ZNF251: variants seen among roughly 807,000 people sequenced by gnomAD.
ZNF251 encodes the protein zinc finger protein 251.
ZNF251 carries 14 observed loss-of-function variants against 13.5 expected under a neutral mutation model. The ratio of observed to expected loss-of-function variants is 1.04; its 90% CI spans 0.69 to 1.63. The LOEUF is 1.63. Ranked by LOEUF, ZNF251 falls within the 40% of genes most tolerant of loss-of-function variation. The pLI, the probability that ZNF251 is intolerant of heterozygous loss-of-function variation, is 0.00. For synonymous variants in ZNF251, 287 were observed against 295.2 expected (o/e 0.97, Z 0.28); for missense variants, 764 against 834.9 (o/e 0.92, Z 1.05).
chr8:144,726,345 C>A (rs1823517459), intron 4 of ZNF251, among the ~76,000 whole-genome samples: 1 of 151,434 alleles, frequency 6.6e-6, no homozygotes, highest in Non-Finnish European at 1.5e-5. Flanking sequence ...ACCAGCCTGG[C>A]CAACATGGCA....
chr8:144,731,448 C>T (rs1296732193), intron 4 of ZNF251, among the ~76,000 whole-genome samples: 6 of 152,202 alleles, frequency 3.9e-5, no homozygotes, highest in Non-Finnish European at 8.8e-5. Flanking sequence ...AGCAAATTCA[C>T]ACTTAAGATT....
chr8:144,736,109 A>G (rs899121823), intron 4 of ZNF251, among the ~76,000 whole-genome samples: 1 of 152,144 alleles, frequency 6.6e-6, no homozygotes, highest in African/African-American at 2.4e-5. Context: ...CAACCAGAAA[A>G]CAAGCTGGTG....
intron 4 of ZNF251, among the ~76,000 whole-genome samples, chr8:144,728,374 A>G (rs1028681535): frequency 1.1e-4 from 16 of 152,126 alleles, no homozygotes; most frequent in South Asian, 2.1e-4. Context: ...TATAAAAAAA[A>G]GGTTTGAGGC....
chr8:144,722,742 T>G lies in ZNF251; in HGVS notation c.918A>C (p.Ser306=). 1.2e-6 allele frequency: 2 copies of G among 1,614,024 alleles called. No homozygotes were observed. The highest frequency in any genetic ancestry group is 2.2e-5 in the East Asian group (1 of 44,882). The part of the protein sequence containing the change: ...GECGKAFSRS[S]TLIQHRIIHT... Reference sequence around the variant, plus strand: ...GAATGATCCGATGTTGAATAAGAGTTGAGCTTCGACTGAAAGCCTTCCCAC... The same window carrying G: ...GAATGATCCGATGTTGAATAAGAGTGGAGCTTCGACTGAAAGCCTTCCCAC... The change falls in exon 5 of 5, where the codon TCA becomes TCC. Residue 306 remains serine (S), a synonymous_variant. Coordinates refer to ENST00000292562, the MANE Select transcript of ZNF251 (RefSeq NM_138367.2). This position sits in a 1 kb window ranked among gnomAD's most constrained non-coding sequence, Gnocchi z 4.8.
At chr8:144,750,773 C>T (rs1447399263) in intron 4 of ZNF251, among the ~76,000 whole-genome samples, 1 of 152,016 alleles carries the variant, frequency 6.6e-6, no homozygotes, top group Non-Finnish European at 1.5e-5. Flanking sequence ...CATCTGGCCA[C>T]CGGTTCCCTG....
chr8:144,721,487 G>A lies in ZNF251; in HGVS notation c.*157C>T. The A allele has an allele frequency of 1.3e-6, 1 of 749,122 alleles. No individual in the cohort carries two copies. Among genetic ancestry groups the A allele is most frequent in the Non-Finnish European group, 1.8e-6 (1 of 545,088 alleles). 46.4% of individuals were successfully genotyped at this position (749,122 alleles called of 1,614,324 possible). A position where few individuals can be genotyped will look rare whatever the true frequency, so the allele number is the denominator to read the frequency against. On this transcript the variant is annotated 3_prime_UTR_variant, in exon 5 of 5. Transcript: ENST00000292562. ...CTGATTTCCCAGAATGAATTCTCGT[G>A]TTTACTTCCAGATTTAATGACTTTG...
At chr8:144,737,046 C>T (rs1448126044) in intron 4 of ZNF251, among the ~76,000 whole-genome samples, 3 of 147,548 alleles carry the variant, frequency 2.0e-5, no homozygotes, top group African/African-American at 5.0e-5. Context: ...TCCGATGATC[C>T]GCCTGCCTTA....
At position 144,754,753 on chromosome 8, in the gene ZNF251, T is replaced by G; in HGVS notation, c.-25A>C. ...TTCTGTGTGCATGGGCTGCTGTGGT[T>G]TCCAAGAGAAGACAGGAGACTGCCC... On this transcript the variant is annotated 5_prime_UTR_variant, in exon 2 of 5. Transcript: ENST00000292562. The G allele has an allele frequency of 6.2e-7, 1 of 1,610,900 alleles. No homozygotes were observed. Among genetic ancestry groups the G allele is most frequent in the Non-Finnish European group, 8.5e-7 (1 of 1,178,686 alleles).
chr8:144,728,731 G>A (rs923184222), intron 4 of ZNF251, among the ~76,000 whole-genome samples: 35 of 151,344 alleles, frequency 2.3e-4, no homozygotes, highest in Admixed American at 2.6e-4. Context: ...AAGTGAGCAC[G>A]TGCTGTTGAA....
At chr8:144,745,181 C>CT in intron 4 of ZNF251, among the ~76,000 whole-genome samples, 2 of 140,330 alleles carry the variant, frequency 1.4e-5, no homozygotes, top group East Asian at 4.6e-4. Context: ...TGATGGGTGT[C>CT]TAGATTCTTT....
intron 4 of ZNF251, among the ~76,000 whole-genome samples, chr8:144,733,361 T>C (rs923581239): frequency 2.0e-5 from 3 of 152,238 alleles, no homozygotes; most frequent in African/African-American, 7.2e-5. Flanking sequence ...GGCAAGATGT[T>C]GAGACCCCAC....
At chr8:144,746,698 C>A (rs1042226381) in intron 4 of ZNF251, among the ~76,000 whole-genome samples, 7 of 151,798 alleles carry the variant, frequency 4.6e-5, no homozygotes, top group African/African-American at 1.7e-4. Context: ...TATTTCTTCC[C>A]GTGTTTGGGA....
At chr8:144,754,581 T>A in intron 2 of ZNF251, 115 bp downstream of exon 2, 1 of 1,471,672 alleles carries the variant, frequency 6.8e-7, no homozygotes, top group Non-Finnish European at 9.0e-7. Flanking sequence ...TCACGGTTGC[T>A]ATGAGCCCCT....
rs1177890113 is a variant in ZNF251 at position 144,754,303 on chromosome 8, G to A, written c.52C>T (p.Gln18Ter). The change falls in exon 3 of 5, where the codon CAG becomes TAG. Residue 18 changes from glutamine (Q) to a stop codon, truncating the protein, a stop_gained. Transcript: ENST00000292562. LOFTEE classifies it high-confidence loss of function. ...PGHQEMPLTF[Q>*]DVAVYFSQAE... ...TGAGAGAAGTACACGGCCACATCCT[G>A]GAAGGTCAGCGGCATCTCCTGCAAC... 6.2e-7 allele frequency: 1 copy of A among 1,611,062 alleles called. No individual in the cohort carries two copies. The highest frequency in any genetic ancestry group is 8.5e-7 in the Non-Finnish European group (1 of 1,178,620).
chr8:144,735,460 T>C (rs531068401), intron 4 of ZNF251, among the ~76,000 whole-genome samples: 2 of 151,636 alleles, frequency 1.3e-5, no homozygotes, highest in Non-Finnish European at 2.9e-5. Context: ...ACTCAGGGCA[T>C]GTAGTACCAG....
At chr8:144,731,070 C>A (rs114829340) in intron 4 of ZNF251, among the ~76,000 whole-genome samples, 1 of 152,152 alleles carries the variant, frequency 6.6e-6, no homozygotes, top group Admixed American at 6.6e-5. Context: ...ATGATGGCTC[C>A]CCCGGAGGAC....
chr8:144,754,524 GC>G, intron 2 of ZNF251, 171 bp downstream of exon 2: 2 of 1,449,866 alleles, frequency 1.4e-6, no homozygotes, highest in Non-Finnish European at 1.8e-6. Context: ...TGAGCTCAGA[GC>G]CCCTCTCCCT....
At chr8:144,752,792 T>C (rs1461974310) in intron 4 of ZNF251, among the ~76,000 whole-genome samples, 2 of 152,150 alleles carry the variant, frequency 1.3e-5, no homozygotes, top group East Asian at 3.9e-4. Flanking sequence ...GGATATGAGT[T>C]GTAAAGTGTT....
intron 4 of ZNF251, among the ~76,000 whole-genome samples, chr8:144,732,811 CAAAAAA>C (rs34248117): frequency 1.9e-5 from 2 of 106,708 alleles, no homozygotes; most frequent in African/African-American, 6.8e-5. Context: ...GACTCCGTCT[CAAAAAA>C]AAAAAAAAAA....
Sources: gnomAD v4.1 joint callset for allele counts (sites outside exome capture counted in the v4.1 genomes callset) on GRCh38, gnomAD v4.1.1 for gene constraint, Gnocchi (gnomAD v3.1) non-coding constraint, MANE v1.5 for transcripts, NCBI Gene and HGNC (gene_info 2026-07-23, HGNC 2026-07-21) for gene names.